ADARB2: variants seen among roughly 807,000 people sequenced by gnomAD.
ADARB2 encodes the protein adenosine deaminase RNA specific B2 (inactive), also known as inactive double-stranded RNA-specific editase B2.
Under a neutral mutation model 62.2 loss-of-function variants are expected in ADARB2, and 25 were observed. The observed-to-expected ratio is 0.40, with a 90% CI of 0.29 to 0.56. The LOEUF (loss-of-function observed/expected upper bound fraction) is 0.56. ADARB2 is among the 20% of genes least tolerant of loss of function. ADARB2 has a pLI of 0.43. For synonymous variants in ADARB2, 572 were observed against 500.8 expected, an observed-to-expected ratio of 1.14 and a Z score of -1.90; for missense variants, 1,071 against 1,077.4, an observed-to-expected ratio of 0.99 and a Z score of 0.08.
chr10:1,553,968 A>G (rs1221392026), intron 1 of ADARB2, among the ~76,000 whole-genome samples: 1 of 152,216 alleles, frequency 6.6e-6, no homozygotes, highest in Non-Finnish European at 1.5e-5. Flanking sequence ...ACCGGAGTCC[A>G]GAAAGTCGGC....
chr10:1,241,905 G>A (rs183577605), intron 5 of ADARB2, among the ~76,000 whole-genome samples: 1 of 152,348 alleles, frequency 6.6e-6, no homozygotes, highest in Non-Finnish European at 1.5e-5. Flanking sequence ...AGGGAAACGT[G>A]GAGTAAGGAG....
intron 1 of ADARB2, among the ~76,000 whole-genome samples, chr10:1,578,752 A>ACC (rs368857380): frequency 0.11 from 263 of 2,464 alleles, 3 homozygotes; most frequent in Non-Finnish European, 0.18. Context: ...GCACACAGGT[A>ACC]CCTATGTTTA....
chr10:1,377,581 T>C (rs1327441087), intron 2 of ADARB2, among the ~76,000 whole-genome samples: 2 of 152,006 alleles, frequency 1.3e-5, no homozygotes, highest in African/African-American at 4.8e-5. Context: ...ACTTTCTCTA[T>C]CCCAGATTTC....
At chr10:1,708,303 A>G (rs1038204358) in intron 1 of ADARB2, among the ~76,000 whole-genome samples, 16 of 152,148 alleles carry the variant, frequency 1.1e-4, no homozygotes, top group African/African-American at 3.9e-4. Context: ...TGGGCTCCCA[A>G]CGCCAGGGTG....
At chr10:1,553,547 T>C (rs1832659288) in intron 1 of ADARB2, among the ~76,000 whole-genome samples, 1 of 152,112 alleles carries the variant, frequency 6.6e-6, no homozygotes, top group African/African-American at 2.4e-5. Context: ...CCGTCGAAAA[T>C]GGAAATCAAA....
Position 1,233,687 on chromosome 10 carries a change from C to G in ADARB2, c.1513+7G>C, listed in dbSNP as rs1448308249. ...GGCCTACAGAAGGTAAAAGCATGGT[C>G]TCTTACGGTCTGTGGTGATCTCGTA... On this transcript the variant is annotated splice_region_variant and intron_variant, in intron 6 of 9. Transcript: ENST00000381312. The G allele has an allele frequency of 2.5e-6, 4 of 1,608,628 alleles. No homozygotes were observed. The highest frequency in any genetic ancestry group is 1.1e-5 in the South Asian group (1 of 90,252).
intron 1 of ADARB2, among the ~76,000 whole-genome samples, chr10:1,735,654 A>G (rs1211501438): frequency 2.0e-5 from 3 of 152,210 alleles, no homozygotes; most frequent in Non-Finnish European, 4.4e-5. Flanking sequence ...TCAAAATGAT[A>G]ATTTCAAACA....
chr10:1,232,017 T>C (rs1044322618), intron 6 of ADARB2, among the ~76,000 whole-genome samples: 1 of 152,174 alleles, frequency 6.6e-6, no homozygotes, highest in Non-Finnish European at 1.5e-5. Context: ...TAAACCACCA[T>C]GTAGCCTTCC....
intron 1 of ADARB2, chr10:1,534,945 G>A (rs1832307712): frequency 6.0e-6 from 1 of 167,450 alleles, no homozygotes; most frequent in African/African-American, 2.4e-5. Flanking sequence ...GGAGACTCAG[G>A]GCCTGCGCTG....
intron 1 of ADARB2, among the ~76,000 whole-genome samples, chr10:1,597,688 A>G (rs1833352856): frequency 6.6e-6 from 1 of 152,254 alleles, no homozygotes; most frequent in Non-Finnish European, 1.5e-5. Context: ...GTAAATTAGT[A>G]TAGCTTCTAT....
chr10:1,679,179 G>A (rs935730847), intron 1 of ADARB2, among the ~76,000 whole-genome samples: 2 of 152,160 alleles, frequency 1.3e-5, no homozygotes, highest in Non-Finnish European at 2.9e-5. Flanking sequence ...AAAAGGCATC[G>A]AGGAGCTGCC....
At chr10:1,724,635 C>A (rs1184223734) in intron 1 of ADARB2, among the ~76,000 whole-genome samples, 1 of 152,206 alleles carries the variant, frequency 6.6e-6, no homozygotes, top group Non-Finnish European at 1.5e-5. Flanking sequence ...CAGTGAGCCA[C>A]AGCCTGGTGG....
intron 1 of ADARB2, among the ~76,000 whole-genome samples, chr10:1,653,399 T>C (rs1448854112): frequency 6.6e-6 from 1 of 152,114 alleles, no homozygotes; most frequent in Non-Finnish European, 1.5e-5. Context: ...ATGAAGAGGC[T>C]GGGGTTTGAG....
intron 1 of ADARB2, among the ~76,000 whole-genome samples, chr10:1,576,137 A>T (rs867456253): frequency 1.8e-3 from 24 of 13,412 alleles, no homozygotes; most frequent in East Asian, 2.8e-3. Flanking sequence ...CCAGGGTCAC[A>T]AGAGGGGGGT....
chr10:1,465,778 C>T (rs1831247089), intron 1 of ADARB2, among the ~76,000 whole-genome samples: 1 of 152,210 alleles, frequency 6.6e-6, no homozygotes, highest in Non-Finnish European at 1.5e-5. Flanking sequence ...CCAGCAACAC[C>T]TCTCCCACCC....
At chr10:1,715,824 T>TC (rs1227450084) in intron 1 of ADARB2, among the ~76,000 whole-genome samples, 5 of 152,230 alleles carry the variant, frequency 3.3e-5, no homozygotes, top group African/African-American at 1.2e-4. Flanking sequence ...GGCAATGGCC[T>TC]CCAACACCGC....
chr10:1,227,981 C>G (rs1589158010), intron 6 of ADARB2, among the ~76,000 whole-genome samples: 1 of 152,182 alleles, frequency 6.6e-6, no homozygotes, highest in East Asian at 1.9e-4. Context: ...CATTAAAATT[C>G]ATTATCCTGC....
At position 1,422,401 on chromosome 10, in the gene ADARB2, G is replaced by A. The variant is rs1387530111; in HGVS notation, c.101-43241C>T. ...CTGTCAACACTTTCAGGCCAGACCAGCGGCTCACGCTTTGGAGACCGGGGC... is the reference window on the plus strand; with the variant it reads ...CTGTCAACACTTTCAGGCCAGACCAACGGCTCACGCTTTGGAGACCGGGGC... On this transcript the variant is annotated intron_variant, in intron 1 of 9. Coordinates refer to ENST00000381312, the MANE Select transcript of ADARB2 (RefSeq NM_018702.4). 2.0e-5 allele frequency among the ~76,000 whole-genome samples: 3 copies of A among 152,336 alleles called. No homozygotes were observed. The East Asian group carries it at 5.8e-4, about 29-fold the overall frequency.
chr10:1,274,462 G>GTT (rs150845526), intron 3 of ADARB2, among the ~76,000 whole-genome samples: 1 of 149,198 alleles, frequency 6.7e-6, no homozygotes, highest in Non-Finnish European at 1.5e-5. Context: ...GTAGCTCTTT[G>GTT]TTTTTTTTTT....
Sources: gnomAD v4.1 joint callset for allele counts (sites outside exome capture counted in the v4.1 genomes callset) on GRCh38, gnomAD v4.1.1 for gene constraint, MANE v1.5 for transcripts, NCBI Gene and HGNC (gene_info 2026-07-23, HGNC 2026-07-21) for gene names.